SLC8A1: variants seen among roughly 807,000 people sequenced by gnomAD.
The protein encoded by SLC8A1 is solute carrier family 8 member A1.
Under a neutral mutation model 68.3 loss-of-function variants are expected in SLC8A1, and 18 were observed. The ratio of observed to expected loss-of-function variants is 0.26; its 90% CI spans 0.18 to 0.39. The LOEUF is 0.39. SLC8A1 is among the 10% of genes least tolerant of loss of function. The probability of loss-of-function intolerance (pLI) is 1.00; values close to 1 mark genes in which losing one functional copy is unlikely to be tolerated. For synonymous variants in SLC8A1, 475 were observed against 415.5 expected, an observed-to-expected ratio of 1.14 and a Z score of -1.74; for missense variants, 985 against 1,156.7, an observed-to-expected ratio of 0.85 and a Z score of 2.15.
At chr2:40,263,253 AGTT>A (rs2064938084) in intron 2 of SLC8A1, among the ~76,000 whole-genome samples, 1 of 152,236 alleles carries the variant, frequency 6.6e-6, no homozygotes, top group Admixed American at 6.5e-5. Flanking sequence ...CAACTTGTAG[AGTT>A]GTTGTGAATA....
intron 2 of SLC8A1, among the ~76,000 whole-genome samples, chr2:40,222,223 A>G (rs976645744): frequency 3.3e-5 from 5 of 152,286 alleles, no homozygotes; most frequent in East Asian, 3.9e-4. Context: ...ATAATACCAC[A>G]TATCTACAAC....
intron 2 of SLC8A1, among the ~76,000 whole-genome samples, chr2:40,219,439 A>G (rs1461423860): frequency 1.3e-5 from 2 of 152,216 alleles, no homozygotes; most frequent in African/African-American, 2.4e-5. Context: ...ATTTTCTTCA[A>G]TTTCTCATCA....
At chr2:40,294,831 A>G (rs2070035539) in intron 2 of SLC8A1, among the ~76,000 whole-genome samples, 1 of 152,214 alleles carries the variant, frequency 6.6e-6, no homozygotes, top group African/African-American at 2.4e-5. Flanking sequence ...TTTGTTTCCT[A>G]ACAATTAAAA....
intron 2 of SLC8A1, among the ~76,000 whole-genome samples, chr2:40,232,703 A>C: frequency 8.0e-6 from 1 of 125,734 alleles, no homozygotes; most frequent in Non-Finnish European, 1.7e-5. Flanking sequence ...GCACCCACTA[A>C]CTCGTCATCT....
intron 2 of SLC8A1, among the ~76,000 whole-genome samples, chr2:40,413,953 G>A (rs1693019271): frequency 6.6e-6 from 1 of 152,094 alleles, no homozygotes; most frequent in East Asian, 1.9e-4. Context: ...CAACAGTTAA[G>A]AAAATTAATT....
exon 8 of SLC8A1, chr2:40,099,759 A>G (rs1475065452): frequency 6.6e-6 from 1 of 152,130 alleles, no homozygotes; most frequent in East Asian, 1.9e-4. Flanking sequence ...GTTTACTATC[A>G]AAATTGTCCA....
At chr2:40,447,627 G>C (rs972216161) in intron 1 of SLC8A1, among the ~76,000 whole-genome samples, 1 of 150,320 alleles carries the variant, frequency 6.7e-6, no homozygotes, top group Non-Finnish European at 1.5e-5. Flanking sequence ...ATATGCTAAT[G>C]ATTTGTGAGA....
At chr2:40,453,458 C>T (rs1702792203), upstream of SLC8A1, 3 of 152,266 alleles carry the variant, frequency 2.0e-5, no homozygotes, top group Admixed American at 2.0e-4. Flanking sequence ...CTCCAGGAAC[C>T]TCAGTTTGCC....
intron 2 of SLC8A1, among the ~76,000 whole-genome samples, chr2:40,225,723 C>G (rs1289046639): frequency 6.6e-6 from 1 of 152,116 alleles, no homozygotes; most frequent in African/African-American, 2.4e-5. Flanking sequence ...GTTGGGGTGG[C>G]TGATGGAGAC....
In SLC8A1 at chr2:40,135,531, A is replaced by G. The variant is rs142663172; in HGVS notation, c.2437+3870T>C. On this transcript the variant is annotated intron_variant, in intron 7 of 7. Transcript: ENST00000406785. ...TCAAGAGCTTGAGACCAGCCTGACC[A>G]ATACGGTGAAATCCTCTCTCTACTA... is the stretch of plus-strand genomic sequence containing the variant. Among the ~76,000 whole-genome samples the G allele has an allele frequency of 8.8e-3, 1,333 of 152,054 alleles. 12 individuals are homozygous for G. Among genetic ancestry groups the G allele is most frequent in the African/African-American group, 0.03 (1,247 of 41,376 alleles).
intron 2 of SLC8A1, among the ~76,000 whole-genome samples, chr2:40,273,243 C>A (rs899810860): frequency 1.3e-5 from 2 of 151,662 alleles, no homozygotes; most frequent in Admixed American, 6.6e-5. Context: ...GCCTGGCCCT[C>A]CAAATACTCT....
intron 2 of SLC8A1, among the ~76,000 whole-genome samples, chr2:40,291,640 C>T (rs1371434292): frequency 6.6e-6 from 1 of 152,116 alleles, no homozygotes; most frequent in Non-Finnish European, 1.5e-5. Context: ...ACTTGCCCAC[C>T]TGCCAGTCCA....
chr2:40,334,097 C>A (rs1665159494), intron 2 of SLC8A1, among the ~76,000 whole-genome samples: 1 of 152,072 alleles, frequency 6.6e-6, no homozygotes, highest in African/African-American at 2.4e-5. Flanking sequence ...CATGTATATC[C>A]ATTTTGTTGC....
chr2:40,403,788 G>A (rs1205988315), intron 2 of SLC8A1, among the ~76,000 whole-genome samples: 3 of 152,178 alleles, frequency 2.0e-5, no homozygotes, highest in Non-Finnish European at 2.9e-5. Context: ...TCCAAAATAT[G>A]TGTAACTAAT....
chr2:40,452,945 C>T (rs1702734103), upstream of SLC8A1, among the ~76,000 whole-genome samples: 1 of 152,140 alleles, frequency 6.6e-6, no homozygotes, highest in South Asian at 2.1e-4. Context: ...AAACCTAATG[C>T]AGCAATCGAC....
At chr2:40,395,807 A>G (rs1457480557) in intron 2 of SLC8A1, among the ~76,000 whole-genome samples, 1 of 152,160 alleles carries the variant, frequency 6.6e-6, no homozygotes, top group African/African-American at 2.4e-5. Context: ...ACAGAATTAG[A>G]ACACAGCTGA....
chr2:40,291,050 G>A (rs1321510286), intron 2 of SLC8A1, among the ~76,000 whole-genome samples: 3 of 152,172 alleles, frequency 2.0e-5, no homozygotes, highest in Non-Finnish European at 4.4e-5. Flanking sequence ...ATCAGGATTG[G>A]AATTTCTGGT....
intron 2 of SLC8A1, among the ~76,000 whole-genome samples, chr2:40,246,815 C>T (rs562942052): frequency 6.6e-6 from 1 of 152,034 alleles, no homozygotes; most frequent in South Asian, 2.1e-4. Context: ...TATTATGACA[C>T]CTCAGAGGAA....
chr2:40,434,045 C>A (rs1051111232), intron 1 of SLC8A1, among the ~76,000 whole-genome samples: 6 of 152,192 alleles, frequency 3.9e-5, no homozygotes, highest in Admixed American at 3.9e-4. Flanking sequence ...TTCCTGCATG[C>A]ACTGTCAGGG....
Sources: allele counts gnomAD v4.1 joint callset (sites outside exome capture counted in the v4.1 genomes callset), GRCh38; gene constraint gnomAD v4.1.1; transcripts MANE v1.5; gene names NCBI Gene and HGNC (gene_info 2026-07-23, HGNC 2026-07-21).